The following NR2F1-AS1 variants were observed in gnomAD, a reference collection of about 807,000 sequenced individuals.
The protein encoded by NR2F1-AS1 is NR2F1 regulatory antisense RNA 1.
intron 4 of NR2F1-AS1, among the ~76,000 whole-genome samples, chr5:93,541,293 T>C (rs1329664741): frequency 6.6e-6 from 1 of 152,104 alleles, no homozygotes; most frequent in East Asian, 1.9e-4. Flanking sequence ...CACCATAAAG[T>C]TTCTGAGGCT....
chr5:93,561,922 A>G (rs984422463), intron 2 of NR2F1-AS1, among the ~76,000 whole-genome samples: 1 of 152,222 alleles, frequency 6.6e-6, no homozygotes, highest in Non-Finnish European at 1.5e-5. Context: ...GCTCAATTAA[A>G]CAACATAAAG....
chr5:93,581,656 A>C, upstream of NR2F1-AS1, among the ~76,000 whole-genome samples: 1 of 112,878 alleles, frequency 8.9e-6, no homozygotes, highest in African/African-American at 3.3e-5. Flanking sequence ...GGATTCAGGA[A>C]TCGGGGTCTC....
chr5:93,491,246 A>T (rs1173958150), intron 4 of NR2F1-AS1, among the ~76,000 whole-genome samples: 3 of 112,290 alleles, frequency 2.7e-5, no homozygotes, highest in Non-Finnish European at 5.8e-5. Flanking sequence ...TTATGGTGGT[A>T]GTGGTGGTCG....
At chr5:93,558,665 A>G (rs1752418316) in intron 2 of NR2F1-AS1, among the ~76,000 whole-genome samples, 1 of 152,114 alleles carries the variant, frequency 6.6e-6, no homozygotes, top group Non-Finnish European at 1.5e-5. Context: ...AGTTGAAATT[A>G]CTCCTTGATC....
chr5:93,547,311 TCG>T (rs1491097518), intron 4 of NR2F1-AS1, among the ~76,000 whole-genome samples: 4 of 152,228 alleles, frequency 2.6e-5, no homozygotes, highest in Non-Finnish European at 5.9e-5. Context: ...CTATTACATG[TCG>T]CTGTAGACCA....
chr5:93,552,529 A>G (rs969389548), intron 4 of NR2F1-AS1, among the ~76,000 whole-genome samples: 6 of 152,140 alleles, frequency 3.9e-5, no homozygotes, highest in African/African-American at 1.4e-4. Flanking sequence ...TAATCAGGTG[A>G]TGTCATGTAC....
chr5:93,527,599 C>T, intron 4 of NR2F1-AS1, among the ~76,000 whole-genome samples: 1 of 152,258 alleles, frequency 6.6e-6, no homozygotes, highest in Non-Finnish European at 1.5e-5. Flanking sequence ...TCAAACTATA[C>T]TACAAGGCTA....
intron 4 of NR2F1-AS1, among the ~76,000 whole-genome samples, chr5:93,508,054 T>C (rs920677166): frequency 6.6e-6 from 1 of 152,218 alleles, no homozygotes; most frequent in Admixed American, 6.5e-5. Context: ...CTCACTAAAT[T>C]ATTTCTATAA....
At chr5:93,581,719 TCTCTCTCTCTCTCTCCCC>T (rs1561519117), upstream of NR2F1-AS1, among the ~76,000 whole-genome samples, 7 of 60,656 alleles carry the variant, frequency 1.2e-4, 1 homozygote, top group African/African-American at 5.6e-4. Flanking sequence ...TCTCTCTCTC[TCTCTCTCTCTCTCTCCCC>T]CTCTCCCTCT....
chr5:93,477,185 C>G (rs1051807289), intron 4 of NR2F1-AS1, among the ~76,000 whole-genome samples: 1 of 152,146 alleles, frequency 6.6e-6, no homozygotes, highest in Non-Finnish European at 1.5e-5. Context: ...ATTAGAGAAG[C>G]TGTTTATAGC....
intron 1 of NR2F1-AS1, among the ~76,000 whole-genome samples, chr5:93,563,970 C>T (rs1238002895): frequency 6.6e-6 from 1 of 151,566 alleles, no homozygotes; most frequent in East Asian, 1.9e-4. Context: ...GGCGTAGTGG[C>T]TGGCGCCTGT....
chr5:93,584,302 G>C (rs988181434), upstream of NR2F1-AS1: 1 of 150,102 alleles, frequency 6.7e-6, no homozygotes. Context: ...GGCGCCTGCA[G>C]CCGCGACCTC....
intron 4 of NR2F1-AS1, among the ~76,000 whole-genome samples, chr5:93,487,907 G>C (rs1330894130): frequency 6.6e-6 from 1 of 152,080 alleles, no homozygotes; most frequent in Non-Finnish European, 1.5e-5. Context: ...TAGACCAATG[G>C]AACAGAACAG....
At chr5:93,546,438 T>C (rs1229828540) in intron 4 of NR2F1-AS1, among the ~76,000 whole-genome samples, 1 of 152,236 alleles carries the variant, frequency 6.6e-6, no homozygotes. Context: ...ATAAGATTTA[T>C]GTAATAAAAA....
At chr5:93,455,674 G>T (rs1379208339) in intron 4 of NR2F1-AS1, among the ~76,000 whole-genome samples, 4 of 151,988 alleles carry the variant, frequency 2.6e-5, no homozygotes, top group Non-Finnish European at 2.9e-5. Flanking sequence ...ATCAGATGAG[G>T]TAGACTTCAG....
chr5:93,557,661 G>C (rs767283711), intron 2 of NR2F1-AS1, among the ~76,000 whole-genome samples: 4 of 152,122 alleles, frequency 2.6e-5, no homozygotes, highest in Non-Finnish European at 5.9e-5. Context: ...TGAAGTTGAT[G>C]ACTGCTGACT....
chr5:93,453,718 A>G (rs1749886086), intron 4 of NR2F1-AS1, among the ~76,000 whole-genome samples: 1 of 152,136 alleles, frequency 6.6e-6, no homozygotes, highest in Admixed American at 6.6e-5. Flanking sequence ...TACTGAAACA[A>G]AAAACAAATA....
At chr5:93,560,870 C>G (rs1006449636) in intron 2 of NR2F1-AS1, among the ~76,000 whole-genome samples, 1 of 152,170 alleles carries the variant, frequency 6.6e-6, no homozygotes, top group African/African-American at 2.4e-5. Flanking sequence ...CTGAAATTTG[C>G]TCCTATATCT....
intron 4 of NR2F1-AS1, among the ~76,000 whole-genome samples, chr5:93,528,611 G>A (rs113724689): frequency 0.039 from 5,929 of 152,190 alleles, 170 homozygotes; most frequent in Middle Eastern, 0.1. Context: ...TATGTTTATC[G>A]CAGCACTATT....
Sources: allele counts gnomAD v4.1 joint callset (sites outside exome capture counted in the v4.1 genomes callset), GRCh38; gene constraint gnomAD v4.1.1; transcripts MANE v1.5; gene names NCBI Gene and HGNC (gene_info 2026-07-23, HGNC 2026-07-21).